The following NCKAP5 variants were observed in gnomAD, a reference collection of about 807,000 sequenced individuals.
NCKAP5 encodes NCK associated protein 5.
NCKAP5 carries 92 observed loss-of-function variants against 167.0 expected under a neutral mutation model. That is an observed-to-expected ratio of 0.55 (90% CI 0.47 to 0.66). The LOEUF (loss-of-function observed/expected upper bound fraction) is 0.66. Among genes scored for constraint, NCKAP5 ranks in the 30% least tolerant of loss-of-function variants. The probability of loss-of-function intolerance (pLI) is 0.00; values close to 1 mark genes in which losing one functional copy is unlikely to be tolerated. For synonymous variants in NCKAP5, 891 were observed against 877.4 expected (o/e 1.02, Z -0.27); for missense variants, 2,378 against 2,315.0 (o/e 1.03, Z -0.56).
In NCKAP5 at chr2:132,963,779, T is replaced by G. The variant is rs1449836001; in HGVS notation, c.520A>C (p.Ser174Arg). The change falls in exon 8 of 20, where the codon AGT becomes CGT. Residue 174 changes from serine to arginine, a missense_variant. By Grantham distance (110) the Ser-to-Arg change is moderately radical (BLOSUM62 -1). This residue lies in a region of NCKAP5 where 1,049 missense variants were observed against 1,023.4 expected (regional missense o/e 1.02). Coordinates refer to ENST00000409261, the MANE Select transcript of NCKAP5 (RefSeq NM_207363.3). Reference sequence around the variant, plus strand: ...GTCTTTTCTTTTCCCTCATCTGTACTGCTGCTTTCACTCCTCGAATCCTCA... The same window carrying G: ...GTCTTTTCTTTTCCCTCATCTGTACGGCTGCTTTCACTCCTCGAATCCTCA... ...VDEDSRSESS[S>R]TDEGKEKTKL... is the part of the protein sequence containing the mutation. 4 of 1,613,870 alleles carry G rather than the reference T, an allele frequency of 2.5e-6. No homozygotes were observed. In the Admixed American group the frequency reaches 6.7e-5, roughly 27 times the overall value.
chr2:133,107,981 T>C (rs2081770571), intron 6 of NCKAP5, among the ~76,000 whole-genome samples: 1 of 152,252 alleles, frequency 6.6e-6, no homozygotes, highest in Non-Finnish European at 1.5e-5. Context: ...ACTGTTAAGA[T>C]ATAGTTGTAT....
At chr2:133,235,550 C>A (rs537192578) in intron 4 of NCKAP5, among the ~76,000 whole-genome samples, 1 of 152,048 alleles carries the variant, frequency 6.6e-6, no homozygotes, top group Admixed American at 6.5e-5. Flanking sequence ...CCAGACTGGG[C>A]AACAAGGCAA....
upstream of NCKAP5, among the ~76,000 whole-genome samples, chr2:133,572,620 C>G (rs900176014): frequency 2.0e-5 from 3 of 152,188 alleles, no homozygotes; most frequent in Non-Finnish European, 2.9e-5. Flanking sequence ...GTATTGTCTG[C>G]TGCAGTACCT....
intron 8 of NCKAP5, among the ~76,000 whole-genome samples, chr2:132,956,182 A>T (rs2076338028): frequency 6.6e-6 from 1 of 152,232 alleles, no homozygotes; most frequent in Non-Finnish European, 1.5e-5. Flanking sequence ...CAATCATAAC[A>T]TCACTCTGCA....
At chr2:132,812,089 A>T (rs374943715) in intron 11 of NCKAP5, among the ~76,000 whole-genome samples, 249 of 152,274 alleles carry the variant, frequency 1.6e-3, no homozygotes, top group African/African-American at 5.4e-3. Context: ...TCCCTTTCCC[A>T]CTTCCGCAGT....
chr2:132,754,994 T>G (rs1369512435), intron 16 of NCKAP5, among the ~76,000 whole-genome samples: 1 of 152,212 alleles, frequency 6.6e-6, no homozygotes, highest in East Asian at 1.9e-4. Context: ...GCACAATGCC[T>G]GGAATGAAGT....
At chr2:132,736,025 TC>T (rs1691472070) in intron 16 of NCKAP5, among the ~76,000 whole-genome samples, 2 of 152,166 alleles carry the variant, frequency 1.3e-5, no homozygotes, top group African/African-American at 2.4e-5. Context: ...GTTCTCTGAT[TC>T]CCAGAGAATT....
chr2:133,104,517 C>T (rs780846247), intron 6 of NCKAP5, among the ~76,000 whole-genome samples: 2 of 152,216 alleles, frequency 1.3e-5, no homozygotes, highest in Non-Finnish European at 2.9e-5. Flanking sequence ...ATGACATTGG[C>T]ATCAGTAGTC....
chr2:132,993,176 G>A (rs1042045741), intron 7 of NCKAP5, among the ~76,000 whole-genome samples: 2 of 152,182 alleles, frequency 1.3e-5, no homozygotes, highest in African/African-American at 4.8e-5. Flanking sequence ...GCCCAGTGAT[G>A]ACCTCACATT....
intron 4 of NCKAP5, among the ~76,000 whole-genome samples, chr2:133,269,538 G>A (rs546323954): frequency 7.9e-5 from 12 of 152,272 alleles, no homozygotes; most frequent in African/African-American, 2.9e-4. Context: ...AAATATGATT[G>A]CACCTGGCAA....
chr2:133,028,634 A>G (rs1298041872), intron 6 of NCKAP5, among the ~76,000 whole-genome samples: 1 of 152,240 alleles, frequency 6.6e-6, no homozygotes, highest in Non-Finnish European at 1.5e-5. Flanking sequence ...GCAATTTAGT[A>G]CATGGATCCT....
At chr2:133,266,387 G>A (rs1384096873) in intron 4 of NCKAP5, 1 of 153,222 alleles carries the variant, frequency 6.5e-6, no homozygotes, top group Non-Finnish European at 1.5e-5. Context: ...GGGAGGCGCG[G>A]AAGCATACAG....
chr2:133,342,185 C>T (rs922587634), intron 3 of NCKAP5, among the ~76,000 whole-genome samples: 12 of 152,060 alleles, frequency 7.9e-5, no homozygotes, highest in Non-Finnish European at 1.5e-4. Flanking sequence ...GTGATCCGCC[C>T]GCCTCGGCCT....
At chr2:133,672,701 T>C in the NCKAP5 span, among the ~76,000 whole-genome samples, 1 of 152,100 alleles carries the variant, frequency 6.6e-6, no homozygotes, top group Non-Finnish European at 1.5e-5. Context: ...TATGAACAAA[T>C]GGGTGTGGCT....
chr2:133,007,361 A>T (rs978523180), intron 6 of NCKAP5, among the ~76,000 whole-genome samples: 8 of 152,236 alleles, frequency 5.3e-5, no homozygotes, highest in African/African-American at 1.9e-4. Flanking sequence ...AAGGGCAGAA[A>T]ATTGGCTTCT....
intron 3 of NCKAP5, among the ~76,000 whole-genome samples, chr2:133,361,309 A>G (rs535977183): frequency 1.3e-5 from 2 of 152,312 alleles, no homozygotes; most frequent in African/African-American, 4.8e-5. Flanking sequence ...GGCAATTTGG[A>G]GAGGAAGAAG....
At chr2:133,482,334 C>T (rs1680529935) in intron 3 of NCKAP5, among the ~76,000 whole-genome samples, 1 of 151,944 alleles carries the variant, frequency 6.6e-6, no homozygotes, top group African/African-American at 2.4e-5. Context: ...TCTCCTGCCT[C>T]AGCTTCCCGA....
chr2:132,898,153 T>A (rs1383478842), intron 8 of NCKAP5, among the ~76,000 whole-genome samples: 1 of 152,232 alleles, frequency 6.6e-6, no homozygotes, highest in African/African-American at 2.4e-5. Context: ...GAAATCTTCG[T>A]TGTCATTTCA....
intron 16 of NCKAP5, among the ~76,000 whole-genome samples, chr2:132,755,116 A>T (rs1055235986): frequency 6.6e-6 from 1 of 152,174 alleles, no homozygotes; most frequent in Admixed American, 6.5e-5. Flanking sequence ...AGCAGCTAGC[A>T]TTTTTCCCAT....
Sources: gnomAD v4.1 joint callset for allele counts (sites outside exome capture counted in the v4.1 genomes callset) on GRCh38, gnomAD v4.1.1 for gene constraint, gnomAD v4.1.1 regional missense constraint, MANE v1.5 for transcripts, NCBI Gene and HGNC (gene_info 2026-07-23, HGNC 2026-07-21) for gene names.